Variants in VWF observed in about 807,000 individuals in gnomAD.
The protein encoded by VWF is von Willebrand factor, also known as Factor VIII related antigen.
Under a neutral mutation model 308.6 loss-of-function variants are expected in VWF, and 176 were observed. The ratio of observed to expected loss-of-function variants is 0.57; its 90% CI spans 0.50 to 0.65. The LOEUF (loss-of-function observed/expected upper bound fraction) is 0.65, where lower values mean the gene tolerates loss of function less well. Among genes scored for constraint, VWF ranks in the 30% least tolerant of loss-of-function variants. VWF has a pLI of 0.00. For missense variants in VWF, 3,146 were observed against 3,648.2 expected (o/e 0.86, Z 3.55); for synonymous variants, 1,385 against 1,443.4 (o/e 0.96, Z 0.92).
At chr12:5,985,009 T>C in intron 40 of VWF, 36 bp downstream of exon 40, 1 of 1,608,732 alleles carries the variant, frequency 6.2e-7, no homozygotes, top group Non-Finnish European at 8.5e-7. Flanking sequence ...GGGCTAGGGT[T>C]GGGCCCTGGA....
chr12:6,085,719 AG>A (rs56970895), intron 6 of VWF, among the ~76,000 whole-genome samples: 6 of 2,272 alleles, frequency 2.6e-3, no homozygotes, highest in Non-Finnish European at 8.3e-3. Context: ...GTGGGCGGGG[AG>A]GGGGGGCGCG....
rs1944115004 is a variant in VWF, at chr12:6,020,221, T to G, written c.3675-478A>C. On this transcript the variant is annotated intron_variant, in intron 27 of 51. Transcript: ENST00000261405. The surrounding 1 kb of genome is among the most constrained non-coding windows in gnomAD (Gnocchi z 4.3). ...CTTTACAGTACATATTCTAACAGAA[T>G]GTAAATTGCATGAGTTTTAAAACAT... 6.6e-6 allele frequency among the ~76,000 whole-genome samples: 1 copy of G among 152,264 alleles called. No homozygotes were observed. The highest frequency in any genetic ancestry group is 2.1e-4 in the South Asian group (1 of 4,834).
chr12:6,027,882 A>ACACC (rs1390775712), intron 22 of VWF, among the ~76,000 whole-genome samples: 71 of 146,974 alleles, frequency 4.8e-4, no homozygotes, highest in Admixed American at 1.9e-3. Context: ...ACACACACAC[A>ACACC]CCCCTAAACA....
chr12:6,000,670 G>A (rs1943861652), intron 34 of VWF, among the ~76,000 whole-genome samples: 1 of 151,862 alleles, frequency 6.6e-6, no homozygotes. Flanking sequence ...AAATTAGCCA[G>A]GCGTGGTGGC....
At position 6,072,421 on chromosome 12, in the gene VWF, C is replaced by A. The variant is rs370201773; in HGVS notation, c.1019G>T (p.Gly340Val). Residue 340 changes from glycine to valine, a missense_variant, in exon 9 of 52, where the codon GGC becomes GTC. Physicochemically the swap from Gly to Val is moderately radical, Grantham distance 109 (BLOSUM62 -3). Coordinates refer to ENST00000261405, the MANE Select transcript of VWF (RefSeq NM_000552.5). ...SCPEGQLLDE[G>V]LCVESTECPC... ...ACACTCGGTGCTCTCCACGCAGAGG[C>A]CTTCATCCAGGAGCTGTCCCTCTGG... 13 of 1,613,970 alleles carry A rather than the reference C, an allele frequency of 8.1e-6. No individual in the cohort carries two copies. Among genetic ancestry groups the A allele is most frequent in the Non-Finnish European group, 1.1e-5 (13 of 1,180,030 alleles).
chr12:6,080,221 CAGG>C (rs1565856047), intron 6 of VWF, among the ~76,000 whole-genome samples: 1 of 152,212 alleles, frequency 6.6e-6, no homozygotes, highest in African/African-American at 2.4e-5. Flanking sequence ...TTTTCAAAGA[CAGG>C]AGCTGTATTC....
At chr12:6,088,426 C>A (rs1944996635) in intron 6 of VWF, among the ~76,000 whole-genome samples, 1 of 149,210 alleles carries the variant, frequency 6.7e-6, no homozygotes, top group Non-Finnish European at 1.5e-5. Context: ...TTGCAGTGAG[C>A]CAAGATCGCA....
At chr12:6,108,294 TAAA>T (rs755454409) in intron 5 of VWF, among the ~76,000 whole-genome samples, 2 of 114,530 alleles carry the variant, frequency 1.7e-5, no homozygotes, top group Admixed American at 1.8e-4. Context: ...ACTCTGTCTT[TAAA>T]AAAAAAAAAA....
intron 6 of VWF, among the ~76,000 whole-genome samples, chr12:6,086,689 T>C (rs1454336956): frequency 6.6e-6 from 1 of 152,168 alleles, no homozygotes; most frequent in African/African-American, 2.4e-5. Flanking sequence ...TGGGCTTACA[T>C]TGCCTCCCTC....
At chr12:6,095,427 C>T in intron 6 of VWF, 33 bp downstream of exon 6, 2 of 1,613,776 alleles carry the variant, frequency 1.2e-6, no homozygotes, top group East Asian at 2.2e-5. Flanking sequence ...AATCACACAC[C>T]ATCCAGGTGC....
At position 5,948,914 on chromosome 12, in the gene VWF, A is replaced by G; in HGVS notation, c.*101T>C. ...AGAGCTCAGCCTTTATTGTGGGCTC[A>G]GAAGGGCACAAGAGCAGAACATGCA... On this transcript the variant is annotated 3_prime_UTR_variant, in exon 52 of 52. Coordinates refer to ENST00000261405, the MANE Select transcript of VWF (RefSeq NM_000552.5). The surrounding 1 kb of genome is among the most constrained non-coding windows in gnomAD (Gnocchi z 4.4). 7.3e-7 allele frequency: 1 copy of G among 1,365,974 alleles called. No individual in the cohort carries two copies. Among genetic ancestry groups the G allele is most frequent in the East Asian group, 2.5e-5 (1 of 40,158 alleles). The allele number at this position is 1,365,974 out of a possible 1,614,324, so 84.6% of individuals were successfully genotyped here. A position where few individuals can be genotyped will look rare whatever the true frequency, so the allele number is the denominator to read the frequency against.
intron 44 of VWF, 59 bp downstream of exon 44, chr12:5,971,540 G>A (rs998407532): frequency 1.8e-5 from 25 of 1,366,744 alleles, no homozygotes; most frequent in African/African-American, 2.9e-5. Flanking sequence ...CAAGGTCAAC[G>A]CTGGTCCCTG....
At chr12:5,959,861 A>G (rs936160607) in intron 47 of VWF, among the ~76,000 whole-genome samples, 10 of 151,732 alleles carry the variant, frequency 6.6e-5, no homozygotes, top group African/African-American at 2.2e-4. Flanking sequence ...GAAAATTTAT[A>G]TTTTAAATTT....
intron 38 of VWF, 40 bp downstream of exon 38, chr12:5,991,779 G>A (rs769280625): frequency 5.6e-6 from 9 of 1,608,402 alleles, no homozygotes; most frequent in Non-Finnish European, 6.8e-6. Flanking sequence ...GACCCAAGAG[G>A]GAAGCAGCCC....
intron 6 of VWF, among the ~76,000 whole-genome samples, chr12:6,088,838 A>G (rs1352949881): frequency 6.6e-6 from 1 of 152,236 alleles, no homozygotes; most frequent in Non-Finnish European, 1.5e-5. Context: ...TTTGCATGCA[A>G]TCAAACAAGG....
intron 35 of VWF, among the ~76,000 whole-genome samples, chr12:5,995,251 C>T (rs1943796317): frequency 6.6e-6 from 1 of 152,144 alleles, no homozygotes; most frequent in African/African-American, 2.4e-5. Flanking sequence ...CACCATATAT[C>T]ATATCAAACA....
intron 47 of VWF, among the ~76,000 whole-genome samples, chr12:5,956,995 T>C (rs976252728): frequency 4.6e-5 from 7 of 152,226 alleles, no homozygotes; most frequent in African/African-American, 1.4e-4. Context: ...ATAAGCTCCA[T>C]TCTTGGTAAG....
intron 8 of VWF, among the ~76,000 whole-genome samples, chr12:6,073,415 T>A (rs988392729): frequency 1.3e-4 from 20 of 152,312 alleles, no homozygotes; most frequent in African/African-American, 4.8e-4. Flanking sequence ...AGTGCGTTCA[T>A]GGATACAGTA....
At chr12:5,958,628 G>A (rs1364113522) in intron 47 of VWF, among the ~76,000 whole-genome samples, 3 of 151,742 alleles carry the variant, frequency 2.0e-5, no homozygotes, top group Non-Finnish European at 4.4e-5. Context: ...AGTCAAGGCT[G>A]CAATGAGCCA....
Sources: allele counts gnomAD v4.1 joint callset (sites outside exome capture counted in the v4.1 genomes callset), GRCh38; gene constraint gnomAD v4.1.1; non-coding constraint Gnocchi (gnomAD v3.1); transcripts MANE v1.5; gene names NCBI Gene and HGNC (gene_info 2026-07-23, HGNC 2026-07-21).